QRICH2: variants seen among roughly 807,000 people sequenced by gnomAD.
QRICH2 encodes the protein glutamine-rich protein 2.
A neutral mutation model predicts 168.3 loss-of-function variants in QRICH2; 119 were observed. That is an observed-to-expected ratio of 0.71 (90% CI 0.61 to 0.82). The LOEUF (loss-of-function observed/expected upper bound fraction) is 0.82, where lower values mean the gene tolerates loss of function less well. Among genes scored for constraint, QRICH2 ranks in the 40% least tolerant of loss-of-function variants. QRICH2 has a pLI of 0.00. For synonymous variants in QRICH2, 894 were observed against 951.2 expected, an observed-to-expected ratio of 0.94 and a Z score of 1.11; for missense variants, 2,241 against 2,491.6, an observed-to-expected ratio of 0.90 and a Z score of 2.14.
At chr17:76,278,589 G>C (rs1407664069) in intron 14 of QRICH2, among the ~76,000 whole-genome samples, 4 of 152,258 alleles carry the variant, frequency 2.6e-5, no homozygotes, top group Non-Finnish European at 4.4e-5. Flanking sequence ...CAGCAGAGAG[G>C]TGGGCAGGAG....
chr17:76,287,131 G>T, intron 7 of QRICH2, 61 bp downstream of exon 7: 1 of 1,168,640 alleles, frequency 8.6e-7, no homozygotes, highest in Non-Finnish European at 1.3e-6. Context: ...GGGAGGGCAG[G>T]GCCAAGCCAG....
At chr17:76,285,212 AC>A (rs2070860615) in intron 7 of QRICH2, among the ~76,000 whole-genome samples, 2 of 151,540 alleles carry the variant, frequency 1.3e-5, no homozygotes, top group Admixed American at 1.3e-4. Context: ...GCTCACTGCA[AC>A]CTCTGCCTCC....
chr17:76,299,716 G>A (rs1040409290), intron 3 of QRICH2, among the ~76,000 whole-genome samples: 7 of 151,892 alleles, frequency 4.6e-5, no homozygotes, highest in African/African-American at 9.7e-5. Flanking sequence ...CAGCATGGGC[G>A]ACAAAGCAAG....
chr17:76,274,519 C>G (rs1257215385), intron 18 of QRICH2, among the ~76,000 whole-genome samples: 2 of 152,218 alleles, frequency 1.3e-5, no homozygotes, highest in Non-Finnish European at 2.9e-5. Context: ...AGAGCTGCCT[C>G]TTTGGTACTG....
At chr17:76,308,427 A>T (rs1300834592), upstream of QRICH2, 1 of 985,048 alleles carries the variant, frequency 1.0e-6, no homozygotes, top group African/African-American at 1.7e-5. Flanking sequence ...ATCCAGCTAG[A>T]CTCCATCCAT....
intron 15 of QRICH2, 107 bp from the exon 16 acceptor site, chr17:76,277,417 C>CCCTCTGGGAA: frequency 7.6e-7 from 1 of 1,320,878 alleles, no homozygotes; most frequent in South Asian, 1.3e-5. Flanking sequence ...AGCTTCTCTT[C>CCCTCTGGGAA]GGGGGCTGCC....
In QRICH2 at chr17:76,274,176, G is replaced by A. The variant is rs766489958; in HGVS notation, c.5567C>T (p.Ala1856Val). 18 of 1,584,610 alleles carry A rather than the reference G, an allele frequency of 1.1e-5. No individual in the cohort carries two copies. The highest frequency in any genetic ancestry group is 5.5e-5 in the African/African-American group (4 of 72,606). Reference sequence around the variant, plus strand: ...CCTCTCCAGCCCCCTGTTTGCCACCGCGGCGGAGCTGGGCGGGTGGGCTGT... The same window carrying A: ...CCTCTCCAGCCCCCTGTTTGCCACCACGGCGGAGCTGGGCGGGTGGGCTGT... ...PNTAHPPSSA[A>V]VANRGLERHV... Residue 1856 changes from alanine to valine, a missense_variant, in exon 19 of 19, where the codon GCG (alanine) becomes GTG (valine). By Grantham distance (64) the Ala-to-Val change is moderately conservative. Around this residue, in one of 3 missense-constraint regions of QRICH2, gnomAD observed 189 missense variants for 169.3 expected, o/e 1.12. Coordinates refer to ENST00000680821, the MANE Select transcript of QRICH2 (RefSeq NM_001388453.1).
chr17:76,302,085 G>A (rs2070914312), intron 3 of QRICH2, among the ~76,000 whole-genome samples: 2 of 152,106 alleles, frequency 1.3e-5, no homozygotes, highest in Admixed American at 1.3e-4. Flanking sequence ...TTTTAGTAGA[G>A]ATGGCGTTTC....
chr17:76,287,481 T>C (rs2070911650), intron 6 of QRICH2, among the ~76,000 whole-genome samples, 175 bp from the exon 7 acceptor site: 1 of 152,144 alleles, frequency 6.6e-6, no homozygotes, highest in Non-Finnish European at 1.5e-5. Flanking sequence ...CTGGGAGGCT[T>C]CTGGGCGGTA....
chr17:76,301,485 T>C, intron 3 of QRICH2: 1 of 228,460 alleles, frequency 4.4e-6, no homozygotes, highest in South Asian at 4.0e-5. Context: ...GGAGGATTGC[T>C]TGAGCCCCAG....
At chr17:76,301,975 C>A (rs1365540119) in intron 3 of QRICH2, among the ~76,000 whole-genome samples, 2 of 151,708 alleles carry the variant, frequency 1.3e-5, no homozygotes, top group Non-Finnish European at 2.9e-5. Context: ...TCTTAGCTCA[C>A]TGCAACTTCG....
Position 76,307,897 on chromosome 17 carries a change from G to A in QRICH2, c.102C>T (p.Ile34=). The A allele has an allele frequency of 2.4e-6, 3 of 1,267,878 alleles. No individual in the cohort carries two copies. The highest frequency in any genetic ancestry group is 3.0e-6 in the Non-Finnish European group (3 of 1,008,782). 78.5% of individuals were successfully genotyped at this position (1,267,878 alleles called of 1,614,324 possible). A position where few individuals can be genotyped will look rare whatever the true frequency, so the allele number is the denominator to read the frequency against. ...AVNFTALHTL[I]VAMLKNLDLQ... is the part of the protein sequence containing the mutation. ...GGTCGAGGTTCTTGAGCATGGCCAC[G>A]ATGAGCGTGTGCAGGGCCGTGAAGT... The change falls in exon 1 of 19, where the codon ATC becomes ATT. Residue 34 remains isoleucine, a synonymous_variant. Transcript: ENST00000680821. The surrounding 1 kb of genome is among the most constrained non-coding windows in gnomAD (Gnocchi z 5.3).
intron 7 of QRICH2, among the ~76,000 whole-genome samples, chr17:76,282,382 C>T (rs2070806309): frequency 6.6e-6 from 1 of 152,240 alleles, no homozygotes; most frequent in African/African-American, 2.4e-5. Context: ...AGCCAGCCCA[C>T]CAGCTCAGCA....
Position 76,293,879 on chromosome 17 carries a change from C to T in QRICH2, c.848G>A (p.Arg283Gln), listed in dbSNP as rs762004308. ...TGTGCCACCAGATCCTGATGCAGTC[C>T]GATCCGGGCCAAGACCACTGGCAGA... ...LDSASGLGPD[R>Q]TASGSGGTAH... is the part of the protein sequence containing the mutation. Residue 283 changes from arginine (R) to glutamine (Q), a missense_variant, in exon 4 of 19, where the codon CGG becomes CAG. Physicochemically the swap from Arg to Gln is conservative, Grantham distance 43 (BLOSUM62 1). Coordinates refer to ENST00000680821, the MANE Select transcript of QRICH2 (RefSeq NM_001388453.1). The T allele has an allele frequency of 6.2e-6, 10 of 1,613,980 alleles. No homozygotes were observed. Among genetic ancestry groups the T allele is most frequent in the South Asian group, 1.1e-5 (1 of 91,080 alleles).
chr17:76,293,273 A>C lies in QRICH2; in HGVS notation c.1454T>G (p.Met485Arg). 1 of 1,614,126 alleles carries C rather than the reference A, an allele frequency of 6.2e-7. No individual in the cohort carries two copies. The highest frequency in any genetic ancestry group is 8.5e-7 in the Non-Finnish European group (1 of 1,180,050). Reference sequence around the variant, plus strand: ...ACGCTGATCCATGCCAAGTGGTTCCATACTGCGTTGGTCTGTGCCAGGAAA... The same window carrying C: ...ACGCTGATCCATGCCAAGTGGTTCCCTACTGCGTTGGTCTGTGCCAGGAAA... ...MTFPGTDQRS[M>R]EPLGMDQRGC... The change falls in exon 4 of 19, where the codon ATG (methionine) becomes AGG (arginine). Residue 485 changes from methionine to arginine, a missense_variant. Met to Arg is a moderately conservative substitution (Grantham distance 91). Around this residue, in one of 3 missense-constraint regions of QRICH2, gnomAD observed 2,047 missense variants for 2,303.8 expected, o/e 0.89. Coordinates refer to ENST00000680821, the MANE Select transcript of QRICH2 (RefSeq NM_001388453.1).
At chr17:76,289,749 C>G (rs975562536) in intron 5 of QRICH2, among the ~76,000 whole-genome samples, 5 of 151,948 alleles carry the variant, frequency 3.3e-5, no homozygotes, top group Non-Finnish European at 2.9e-5. Flanking sequence ...ACCAGGCTGA[C>G]CAACATGGAG....
At chr17:76,308,509 C>G, upstream of QRICH2, 1 of 985,296 alleles carries the variant, frequency 1.0e-6, no homozygotes, top group Non-Finnish European at 1.2e-6. Context: ...TGAGGGTTTC[C>G]TGGCAACCAT....
At chr17:76,289,420 C>T (rs187651236) in intron 5 of QRICH2, among the ~76,000 whole-genome samples, 1 of 151,996 alleles carries the variant, frequency 6.6e-6, no homozygotes, top group Admixed American at 6.5e-5. Flanking sequence ...CTCCCGGGCT[C>T]AAGTGATCCT....
chr17:76,280,663 C>A lies in QRICH2; in HGVS notation c.4452G>T (p.Glu1484Asp). Residue 1484 changes from glutamate (E) to aspartate (D), a missense_variant, in exon 10 of 19, where the codon GAG (glutamate) becomes GAT (aspartate). Transcript: ENST00000680821. This position sits in a 1 kb window ranked among gnomAD's most constrained non-coding sequence, Gnocchi z 7.4. ...GGGGCCTGGCACCCACCACATCGAT[C>A]TCCATCTCCAGGTGCTCCCTGTTGG... ...EKANREHLEM[E>D]IDVKADKSAL... is the part of the protein sequence containing the mutation. The A allele has an allele frequency of 6.2e-7, 1 of 1,614,194 alleles. No homozygotes were observed.
Sources: gnomAD v4.1 joint callset for allele counts (sites outside exome capture counted in the v4.1 genomes callset) on GRCh38, gnomAD v4.1.1 for gene constraint, gnomAD v4.1.1 regional missense constraint, Gnocchi (gnomAD v3.1) non-coding constraint, MANE v1.5 for transcripts, NCBI Gene and HGNC (gene_info 2026-07-23, HGNC 2026-07-21) for gene names.